The following ACOT11 variants were observed in gnomAD, a reference collection of about 807,000 sequenced individuals.
The protein encoded by ACOT11 is acyl-coenzyme A thioesterase 11.
ACOT11 carries 69 observed loss-of-function variants against 77.5 expected under a neutral mutation model. That is an observed-to-expected ratio of 0.89 (90% CI 0.73 to 1.09). The LOEUF is 1.09. Among genes scored for constraint, ACOT11 ranks in the 50% least tolerant of loss-of-function variants. The pLI, the probability that ACOT11 is intolerant of heterozygous loss-of-function variation, is 0.00. For missense variants in ACOT11, 766 were observed against 813.7 expected (o/e 0.94, Z 0.71); for synonymous variants, 279 against 313.0 (o/e 0.89, Z 1.15).
intron 1 of ACOT11, among the ~76,000 whole-genome samples, chr1:54,552,825 GTTTTGT>G (rs1653116327): frequency 1.9e-5 from 2 of 105,080 alleles, no homozygotes; most frequent in Admixed American, 9.2e-5. Flanking sequence ...GTTTGTTTTT[GTTTTGT>G]TTTTTTTTTT....
chr1:54,634,726 C>A (rs1644321421), exon 17 of ACOT11: 1 of 702,482 alleles, frequency 1.4e-6, no homozygotes, highest in African/African-American at 1.7e-5. Flanking sequence ...TTCAAGACAC[C>A]TGAAACCTTA....
intron 1 of ACOT11, among the ~76,000 whole-genome samples, chr1:54,562,026 TGGCCGGGCGGAG>T: frequency 1.5e-5 from 1 of 68,584 alleles, no homozygotes. Flanking sequence ...ACGGGGCGGC[TGGCCGGGCGGAG>T]GGCTGACCCC....
downstream of ACOT11, among the ~76,000 whole-genome samples, chr1:54,612,111 G>T (rs1035186696): frequency 1.4e-5 from 2 of 144,740 alleles, no homozygotes; most frequent in African/African-American, 5.1e-5. Flanking sequence ...AAGGTAGGGG[G>T]TATAGTGGGG....
At chr1:54,581,752 ACT>A (rs960444310) in intron 1 of ACOT11, among the ~76,000 whole-genome samples, 5 of 151,754 alleles carry the variant, frequency 3.3e-5, no homozygotes, top group African/African-American at 1.2e-4. Context: ...CCAGGCCCTG[ACT>A]CTATCCAGGG....
At chr1:54,626,242 C>A (rs1424122800) in intron 15 of ACOT11, among the ~76,000 whole-genome samples, 2 of 151,784 alleles carry the variant, frequency 1.3e-5, no homozygotes, top group South Asian at 4.2e-4. Flanking sequence ...TGACCACCAG[C>A]CTGAGCGACA....
In ACOT11 at chr1:54,623,125, G is replaced by A. The variant is rs565916346; in HGVS notation, c.1630-7609G>A. Among the ~76,000 whole-genome samples the A allele has an allele frequency of 3.8e-3, 569 of 151,476 alleles. 4 individuals carry two copies. The highest frequency in any genetic ancestry group is 0.013 in the African/African-American group (541 of 41,260). ...TGGGAGGCGGAGGTTGCAGTGAGCC[G>A]AGAATCGTGCCATTGTACTCCAGCC... On this transcript the variant is annotated intron_variant, in intron 15 of 16. Coordinates refer to the ACOT11 transcript ENST00000371316.
chr1:54,634,620 A>G, intron 16 of ACOT11: 1 of 695,246 alleles, frequency 1.4e-6, no homozygotes, highest in Non-Finnish European at 2.6e-6. Flanking sequence ...GAAGAGATCC[A>G]ATAACAAAAA....
chr1:54,596,051 C>T (rs943623908), intron 6 of ACOT11, among the ~76,000 whole-genome samples: 2 of 152,234 alleles, frequency 1.3e-5, no homozygotes, highest in African/African-American at 2.4e-5. Flanking sequence ...TTGCAGCCCT[C>T]CTAAATCTCT....
chr1:54,621,951 A>T (rs1644233744), intron 15 of ACOT11: 1 of 152,502 alleles, frequency 6.6e-6, no homozygotes, highest in Non-Finnish European at 1.5e-5. Context: ...CCAAGATCTG[A>T]TGGTCTTCAG....
At chr1:54,606,353 C>T (rs1569765321) in intron 13 of ACOT11, among the ~76,000 whole-genome samples, 2 of 152,204 alleles carry the variant, frequency 1.3e-5, no homozygotes, top group Admixed American at 1.3e-4. Flanking sequence ...AAAGAGAGCC[C>T]CTAGTTTCTT....
rs936060047 is a variant in ACOT11, at chr1:54,623,672, G to A, written c.1630-7062G>A. Reference sequence around the variant, plus strand: ...AAAATGACCTTTGAGCACAGTAAGAGGCAGCAGAGAATGTTGGACCGAGCC... The same window carrying A: ...AAAATGACCTTTGAGCACAGTAAGAAGCAGCAGAGAATGTTGGACCGAGCC... On this transcript the variant is annotated intron_variant, in intron 15 of 16. Coordinates refer to the ACOT11 transcript ENST00000371316. The A allele has an allele frequency of 4.9e-5, 16 of 323,802 alleles. No individual in the cohort carries two copies. The Admixed American group carries it at 6.4e-4, about 13-fold the overall frequency. The allele number at this position is 323,802 out of a possible 1,614,324, so 20.1% of individuals were successfully genotyped here.
At chr1:54,557,749 T>C (rs1557645331) in intron 1 of ACOT11, among the ~76,000 whole-genome samples, 1 of 152,152 alleles carries the variant, frequency 6.6e-6, no homozygotes, top group Non-Finnish European at 1.5e-5. Flanking sequence ...CTTTACTGAA[T>C]TTATTATTCC....
intron 1 of ACOT11, among the ~76,000 whole-genome samples, chr1:54,564,754 C>A (rs1023195912): frequency 2.0e-5 from 3 of 152,204 alleles, no homozygotes; most frequent in African/African-American, 7.2e-5. Context: ...TCTTGACCGG[C>A]TCTCTTCCCC....
intron 1 of ACOT11, among the ~76,000 whole-genome samples, chr1:54,561,002 G>A (rs1653455887): frequency 1.3e-5 from 2 of 151,854 alleles, no homozygotes; most frequent in South Asian, 4.1e-4. Context: ...GGATTACAAG[G>A]CAATCCGCCC....
Position 54,630,203 on chromosome 1 carries a change from T to G in ACOT11, c.1630-531T>G, listed in dbSNP as rs1644292154. Among the ~76,000 whole-genome samples the G allele has an allele frequency of 2.3e-5, 3 of 133,328 alleles. 1 individual carries two copies. The Admixed American group carries it at 2.3e-4, about 10-fold the overall frequency. The allele number at this position is 133,328 out of a possible 152,430, so 87.5% of individuals were successfully genotyped here. ...CGTGAGCCACTGCGCCTGGCCTGTT[T>G]AATGTTTAAAGAAATAAAAAAAACA... On this transcript the variant is annotated intron_variant, in intron 15 of 16. Transcript: ENST00000371316.
At position 54,578,633 on chromosome 1, in the gene ACOT11, G is replaced by GTTTAT. The variant is rs202247246; in HGVS notation, c.34-6003_34-5999dup. ...AGGGCTTCAGATTTAGGAGGAGAAAGTTTATTTTATTTTATTTTATTTTTA... is the reference window on the plus strand; with the variant it reads ...AGGGCTTCAGATTTAGGAGGAGAAAGTTTATTTTATTTTATTTTATTTTATTTTTA... On this transcript the variant is annotated intron_variant, in intron 1 of 15. Coordinates refer to ENST00000343744, the MANE Select transcript of ACOT11 (RefSeq NM_147161.4). Among the ~76,000 whole-genome samples the GTTTAT allele has an allele frequency of 3.8e-3, 576 of 152,224 alleles. 8 individuals are homozygous for GTTTAT. The highest frequency in any genetic ancestry group is 0.024 in the East Asian group (123 of 5,186).
At chr1:54,618,178 C>T (rs936230968) in intron 15 of ACOT11, among the ~76,000 whole-genome samples, 1 of 152,140 alleles carries the variant, frequency 6.6e-6, no homozygotes, top group East Asian at 1.9e-4. Context: ...ACTATGGCAC[C>T]TCCTGCTCAT....
At chr1:54,604,480 G>A in intron 12 of ACOT11, 51 bp downstream of exon 12, 2 of 1,545,280 alleles carry the variant, frequency 1.3e-6, no homozygotes, top group Admixed American at 1.7e-5. Flanking sequence ...GCCAGAGGTG[G>A]CTAATGGCAA....
At position 54,608,019 on chromosome 1, in the gene ACOT11, C is replaced by T. The variant is rs755050569; in HGVS notation, c.1580C>T (p.Thr527Ile). The T allele has an allele frequency of 4.3e-6, 7 of 1,613,472 alleles. No individual in the cohort carries two copies. The South Asian group carries it at 7.7e-5, about 18-fold the overall frequency. ...RETPEYRRGE[T>I]LCSGFCLWRE... is the part of the protein sequence containing the mutation. Reference sequence around the variant, plus strand: ...ACGCCAGAGTACAGACGCGGAGAGACCCTCTGCTCAGGCTTCTGCCTCTGG... The same window carrying T: ...ACGCCAGAGTACAGACGCGGAGAGATCCTCTGCTCAGGCTTCTGCCTCTGG... The change falls in exon 15 of 16, where the codon ACC becomes ATC. Residue 527 changes from threonine (T) to isoleucine (I), a missense_variant. Coordinates refer to ENST00000343744, the MANE Select transcript of ACOT11 (RefSeq NM_147161.4).
Sources: allele counts gnomAD v4.1 joint callset (sites outside exome capture counted in the v4.1 genomes callset), GRCh38; gene constraint gnomAD v4.1.1; transcripts MANE v1.5; gene names NCBI Gene and HGNC (gene_info 2026-07-23, HGNC 2026-07-21).